The following CDYL variants were observed in gnomAD, a reference collection of about 807,000 sequenced individuals.
CDYL encodes the protein chromodomain Y-like protein.
In CDYL, 8 loss-of-function variants were observed where a neutral mutation model predicts 47.3. The ratio of observed to expected loss-of-function variants is 0.17; its 90% CI spans 0.10 to 0.31. The LOEUF (loss-of-function observed/expected upper bound fraction) is 0.31. Among genes scored for constraint, CDYL ranks in the 10% least tolerant of loss-of-function variants. The probability of loss-of-function intolerance (pLI) is 1.00; values close to 1 mark genes in which losing one functional copy is unlikely to be tolerated. For synonymous variants in CDYL, 266 were observed against 265.0 expected (o/e 1.00, Z -0.04); for missense variants, 471 against 701.4 (o/e 0.67, Z 3.71).
In CDYL at chr6:4,790,432, T is replaced by C. The variant is rs145017517; in HGVS notation, c.24+13625T>C. Among the ~76,000 whole-genome samples the C allele has an allele frequency of 3.2e-4, 49 of 152,332 alleles. 1 individual carries two copies. In the East Asian group the frequency reaches 9.1e-3, roughly 28 times the overall value. On this transcript the variant is annotated intron_variant, in intron 1 of 6. Transcript: ENST00000397588. The stretch of plus-strand genomic sequence containing the variant: ...TTCTCCAAGACACATACTAGTGACC[T>C]TAACAACAACAAACTCATTTTTCTT...
intron 2 of CDYL, among the ~76,000 whole-genome samples, chr6:4,727,741 C>T (rs1009963102): frequency 3.3e-5 from 5 of 152,078 alleles, no homozygotes; most frequent in South Asian, 2.1e-4. Context: ...GGGATGCCAC[C>T]GTGATAAAAT....
chr6:4,926,108 A>T (rs1757866374), intron 2 of CDYL, among the ~76,000 whole-genome samples: 1 of 152,182 alleles, frequency 6.6e-6, no homozygotes, highest in Non-Finnish European at 1.5e-5. Flanking sequence ...AGAGAACTGG[A>T]AGTGAAGGAG....
chr6:4,764,003 A>G (rs774120207), intron 3 of CDYL, among the ~76,000 whole-genome samples: 1 of 152,148 alleles, frequency 6.6e-6, no homozygotes, highest in Non-Finnish European at 1.5e-5. Context: ...CAAATCAATG[A>G]AGGAAAGAAA....
chr6:4,903,572 TGGCTTGCCAG>T (rs1318228469), intron 2 of CDYL, among the ~76,000 whole-genome samples: 1 of 152,224 alleles, frequency 6.6e-6, no homozygotes, highest in Non-Finnish European at 1.5e-5. Flanking sequence ...ATGCACACGG[TGGCTTGCCAG>T]GGCTTGGGTG....
In CDYL at chr6:4,836,898, A is replaced by G. The variant is rs1397845801; in HGVS notation, c.25-54815A>G. The stretch of plus-strand genomic sequence containing the variant: ...TGGGGATACAGAAGTTTGATGGAAC[A>G]AAATGGAATTATGTGAGTGCCCTGG... On this transcript the variant is annotated intron_variant, in intron 1 of 6. Coordinates refer to ENST00000397588, the MANE Select transcript of CDYL (RefSeq NM_004824.4). Among the ~76,000 whole-genome samples the G allele has an allele frequency of 1.1e-4, 16 of 152,342 alleles. No homozygotes were observed. In the East Asian group the frequency reaches 2.7e-3, roughly 26 times the overall value.
intron 2 of CDYL, among the ~76,000 whole-genome samples, chr6:4,932,576 A>T (rs1758063139): frequency 6.6e-6 from 1 of 152,228 alleles, no homozygotes; most frequent in South Asian, 2.1e-4. Context: ...ATATAGCAGC[A>T]ATTGAAAAAT....
chr6:4,824,258 G>A (rs1249818239), intron 1 of CDYL, among the ~76,000 whole-genome samples: 1 of 152,204 alleles, frequency 6.6e-6, no homozygotes, highest in Non-Finnish European at 1.5e-5. Flanking sequence ...AGTGGGTCCT[G>A]TGGGTTGCAT....
At chr6:4,930,887 A>G (rs1338780892) in intron 2 of CDYL, among the ~76,000 whole-genome samples, 1 of 152,256 alleles carries the variant, frequency 6.6e-6, no homozygotes, top group Admixed American at 6.5e-5. Flanking sequence ...CACAGAGGCA[A>G]CTTGTACTCC....
intron 2 of CDYL, among the ~76,000 whole-genome samples, chr6:4,900,979 C>T (rs550871930): frequency 6.6e-6 from 1 of 150,394 alleles, no homozygotes; most frequent in South Asian, 2.1e-4. Flanking sequence ...AAAAGAGGTC[C>T]ATGATTCAGG....
At chr6:4,850,688 G>A (rs955022386) in intron 1 of CDYL, among the ~76,000 whole-genome samples, 1 of 152,186 alleles carries the variant, frequency 6.6e-6, no homozygotes, top group African/African-American at 2.4e-5. Context: ...ATAATTGAAA[G>A]CATATAGTTA....
intron 1 of CDYL, among the ~76,000 whole-genome samples, chr6:4,777,170 T>G (rs562185757): frequency 0.14 from 9,755 of 68,940 alleles, 948 homozygotes; most frequent in African/African-American, 0.38. Context: ...GGGTGGGGTG[T>G]GGGGGGGTTT....
chr6:4,898,773 A>G (rs922172789), intron 2 of CDYL, among the ~76,000 whole-genome samples: 1 of 152,238 alleles, frequency 6.6e-6, no homozygotes, highest in Non-Finnish European at 1.5e-5. Context: ...GCTTACTCCC[A>G]GGAATCTTTA....
At chr6:4,951,023 C>A (rs566527032) in intron 5 of CDYL, among the ~76,000 whole-genome samples, 1 of 152,124 alleles carries the variant, frequency 6.6e-6, no homozygotes, top group East Asian at 1.9e-4. Context: ...GGCAGTGAGT[C>A]AGCCACGTGT....
intron 2 of CDYL, among the ~76,000 whole-genome samples, chr6:4,928,437 C>G (rs889902480): frequency 1.3e-5 from 2 of 152,026 alleles, no homozygotes; most frequent in African/African-American, 4.8e-5. Context: ...TCTAGAAATG[C>G]TGTTGTTTAG....
At chr6:4,719,349 T>C (rs1757328446) in intron 2 of CDYL, among the ~76,000 whole-genome samples, 1 of 152,218 alleles carries the variant, frequency 6.6e-6, no homozygotes. Flanking sequence ...TCGAAAGATG[T>C]GGTTAACGGT....
intron 1 of CDYL, among the ~76,000 whole-genome samples, chr6:4,887,196 G>C (rs934937732): frequency 6.6e-6 from 1 of 152,048 alleles, no homozygotes; most frequent in Admixed American, 6.5e-5. Context: ...TACCAATTCC[G>C]TGTGAATTTT....
In CDYL at chr6:4,776,868, GCGCCGCCCGACGGCCCCGCT is replaced by G. The variant is rs1758472185; in HGVS notation, c.24+71_24+90del. The G allele has an allele frequency of 3.9e-6, 3 of 768,852 alleles. No homozygotes were observed. In the South Asian group the frequency reaches 1.7e-4, roughly 44 times the overall value. 47.6% of individuals were successfully genotyped at this position (768,852 alleles called of 1,614,324 possible). On this transcript the variant is annotated intron_variant, in intron 1 of 6. Transcript: ENST00000397588. ...GCCCGCCGCCCCTCCCGGCCCGGCC[GCGCCGCCCGACGGCCCCGCT>G]CGCCGCCCGCGCCCGCCGCGTCCCC...
chr6:4,804,079 G>A (rs566678711), intron 1 of CDYL, among the ~76,000 whole-genome samples: 2 of 151,804 alleles, frequency 1.3e-5, no homozygotes, highest in South Asian at 4.2e-4. Flanking sequence ...ACCAGTCAAG[G>A]TCCATAATTT....
intron 4 of CDYL, among the ~76,000 whole-genome samples, chr6:4,938,474 G>A (rs985130052): frequency 6.6e-6 from 1 of 152,098 alleles, no homozygotes; most frequent in Non-Finnish European, 1.5e-5. Context: ...AGTAAAAATT[G>A]TATATACTTA....
Sources: gnomAD v4.1 joint callset for allele counts (sites outside exome capture counted in the v4.1 genomes callset) on GRCh38, gnomAD v4.1.1 for gene constraint, MANE v1.5 for transcripts, NCBI Gene and HGNC (gene_info 2026-07-23, HGNC 2026-07-21) for gene names.